Variants in AFF3 observed in about 807,000 individuals in gnomAD.
The protein encoded by AFF3 is AF4/FMR2 family member 3.
Under a neutral mutation model 129.7 loss-of-function variants are expected in AFF3, and 32 were observed. The observed-to-expected ratio is 0.25, with a 90% CI of 0.19 to 0.33. AFF3 has a LOEUF of 0.33. Ranked by LOEUF, AFF3 falls within the 10% of genes least tolerant of loss-of-function variation. The pLI is 1.00. For missense variants in AFF3, 1,373 were observed against 1,592.0 expected, an observed-to-expected ratio of 0.86 and a Z score of 2.34; for synonymous variants, 644 against 635.4, an observed-to-expected ratio of 1.01 and a Z score of -0.20.
intron 7 of AFF3, among the ~76,000 whole-genome samples, chr2:99,842,176 G>A (rs1689365498): frequency 1.3e-5 from 2 of 152,130 alleles, no homozygotes; most frequent in Non-Finnish European, 2.9e-5. Context: ...GAAAGCGTAG[G>A]TAGATAGGTA....
At chr2:99,750,158 G>T (rs559997163) in intron 9 of AFF3, among the ~76,000 whole-genome samples, 1 of 152,282 alleles carries the variant, frequency 6.6e-6, no homozygotes, top group East Asian at 1.9e-4. Flanking sequence ...CAAGAAAGTA[G>T]TTGTATCATA....
intron 7 of AFF3, among the ~76,000 whole-genome samples, chr2:99,854,148 G>A (rs565902757): frequency 5.9e-5 from 9 of 151,900 alleles, no homozygotes; most frequent in African/African-American, 9.7e-5. Context: ...AGTTTAGAAC[G>A]GACCTGAGGG....
At chr2:99,672,176 T>TCACACACACACA (rs55867427) in intron 12 of AFF3, among the ~76,000 whole-genome samples, 26 of 37,266 alleles carry the variant, frequency 7.0e-4, no homozygotes, top group South Asian at 1.9e-3. Context: ...CCAGTTAGCT[T>TCACACACACACA]CTCACACACA....
chr2:99,884,089 C>T (rs1027424591), intron 7 of AFF3, among the ~76,000 whole-genome samples: 4 of 152,188 alleles, frequency 2.6e-5, no homozygotes, highest in African/African-American at 7.2e-5. Flanking sequence ...GTTGTAACTA[C>T]ATTAGGAGAG....
chr2:99,703,287 T>G (rs906505217), intron 11 of AFF3, among the ~76,000 whole-genome samples: 1 of 152,224 alleles, frequency 6.6e-6, no homozygotes, highest in African/African-American at 2.4e-5. Flanking sequence ...AATCTGTCAC[T>G]GGCTCTGCAA....
At chr2:99,993,311 T>C (rs1680526985) in intron 7 of AFF3, among the ~76,000 whole-genome samples, 1 of 152,176 alleles carries the variant, frequency 6.6e-6, no homozygotes, top group African/African-American at 2.4e-5. Context: ...CAAAATTGAA[T>C]AGTATAAGCA....
At chr2:99,850,699 T>G (rs976817495) in intron 7 of AFF3, among the ~76,000 whole-genome samples, 3 of 152,250 alleles carry the variant, frequency 2.0e-5, no homozygotes, top group Admixed American at 1.3e-4. Context: ...ACAATTTTAT[T>G]AATAAAACGT....
At chr2:99,592,914 C>T (rs1414173133) in intron 15 of AFF3, among the ~76,000 whole-genome samples, 4 of 146,220 alleles carry the variant, frequency 2.7e-5, no homozygotes, top group Admixed American at 6.9e-5. Flanking sequence ...CCTGCTTGGG[C>T]GACAGAGTGA....
chr2:99,590,149 C>G (rs1304001074), intron 15 of AFF3, among the ~76,000 whole-genome samples: 3 of 152,218 alleles, frequency 2.0e-5, no homozygotes, highest in Non-Finnish European at 2.9e-5. Context: ...ATTTCAAGAC[C>G]CTCTTTGGAA....
At chr2:99,626,323 TTCC>T (rs1682543259) in intron 13 of AFF3, among the ~76,000 whole-genome samples, 3 of 145,200 alleles carry the variant, frequency 2.1e-5, no homozygotes, top group Non-Finnish European at 4.5e-5. Context: ...CCTCCCTTCC[TTCC>T]TTCCTTCCCT....
intron 8 of AFF3, among the ~76,000 whole-genome samples, chr2:99,762,464 T>C (rs1037816898): frequency 2.0e-5 from 3 of 152,222 alleles, no homozygotes; most frequent in African/African-American, 7.2e-5. Context: ...CTCAGTGCTG[T>C]GAGCTTTCTT....
At chr2:99,634,760 A>G (rs1191839457) in intron 13 of AFF3, among the ~76,000 whole-genome samples, 1 of 151,216 alleles carries the variant, frequency 6.6e-6, no homozygotes, top group Non-Finnish European at 1.5e-5. Context: ...CATCTTCTAT[A>G]TTTAAGTGCA....
chr2:99,800,808 G>A (rs1685881322), intron 8 of AFF3, among the ~76,000 whole-genome samples: 4 of 152,240 alleles, frequency 2.6e-5, no homozygotes, highest in Admixed American at 2.6e-4. Context: ...TACACAGAGT[G>A]ACAGAAGCCA....
intron 12 of AFF3, among the ~76,000 whole-genome samples, chr2:99,671,029 TTGGAAATACTTCC>T (rs527886721): frequency 1.0e-3 from 159 of 152,328 alleles, no homozygotes; most frequent in African/African-American, 3.8e-3. Flanking sequence ...TGAGTTTTCA[TTGGAAATACTTCC>T]TGGAAATAGC....
intron 13 of AFF3, among the ~76,000 whole-genome samples, chr2:99,602,909 C>A (rs1679976755): frequency 6.6e-6 from 1 of 152,198 alleles, no homozygotes. Context: ...TAAAAACCAC[C>A]AGACAAGAAA....
At chr2:99,734,317 A>G (rs1680076376) in intron 10 of AFF3, among the ~76,000 whole-genome samples, 1 of 152,142 alleles carries the variant, frequency 6.6e-6, no homozygotes, top group African/African-American at 2.4e-5. Context: ...TTTTCTGCAT[A>G]AACAATATAA....
At chr2:99,891,376 G>A (rs1200796234) in intron 7 of AFF3, among the ~76,000 whole-genome samples, 1 of 152,154 alleles carries the variant, frequency 6.6e-6, no homozygotes, top group Non-Finnish European at 1.5e-5. Flanking sequence ...GAATTAGCTA[G>A]CCTTTCAGGG....
intron 4 of AFF3, among the ~76,000 whole-genome samples, chr2:100,070,469 A>G (rs945960279): frequency 6.6e-6 from 1 of 152,188 alleles, no homozygotes; most frequent in Non-Finnish European, 1.5e-5. Context: ...CTGAGATGCA[A>G]TCATAGCCTT....
intron 7 of AFF3, among the ~76,000 whole-genome samples, chr2:99,980,347 T>C (rs1179023490): frequency 6.6e-6 from 1 of 152,132 alleles, no homozygotes; most frequent in Non-Finnish European, 1.5e-5. Context: ...TTCCTCTAAG[T>C]GCAGACAGAA....
Sources: allele counts gnomAD v4.1 joint callset (sites outside exome capture counted in the v4.1 genomes callset), GRCh38; gene constraint gnomAD v4.1.1; transcripts MANE v1.5; gene names NCBI Gene and HGNC (gene_info 2026-07-23, HGNC 2026-07-21).